ARHGAP5: variants seen among roughly 807,000 people sequenced by gnomAD.
ARHGAP5 encodes the protein rho GTPase-activating protein 5.
In ARHGAP5, 23 loss-of-function variants were observed where a neutral mutation model predicts 116.6. The ratio of observed to expected loss-of-function variants is 0.20; its 90% CI spans 0.14 to 0.28. The LOEUF (loss-of-function observed/expected upper bound fraction) is 0.28, where lower values mean the gene tolerates loss of function less well. ARHGAP5 is among the 10% of genes least tolerant of loss of function. The pLI is 1.00. For synonymous variants in ARHGAP5, 574 were observed against 602.0 expected (o/e 0.95, Z 0.68); for missense variants, 1,405 against 1,774.8 (o/e 0.79, Z 3.74).
chr14:32,124,611 T>A lies in ARHGAP5; in HGVS notation c.3865+7324T>A, dbSNP rs568787740. Reference sequence around the variant, plus strand: ...AGAAGTGCCTCTCAGATTGCTCTGTTAGGGTGACCGTAGATGGCATTCCAT... The same window carrying A: ...AGAAGTGCCTCTCAGATTGCTCTGTAAGGGTGACCGTAGATGGCATTCCAT... On this transcript the variant is annotated intron_variant, in intron 3 of 6. Transcript: ENST00000345122. 2.6e-5 allele frequency among the ~76,000 whole-genome samples: 4 copies of A among 152,282 alleles called. No individual in the cohort carries two copies. In the South Asian group the frequency reaches 8.3e-4, roughly 32 times the overall value.
intron 3 of ARHGAP5, among the ~76,000 whole-genome samples, chr14:32,131,854 G>C (rs371820963): frequency 6.6e-6 from 1 of 152,074 alleles, no homozygotes; most frequent in Non-Finnish European, 1.5e-5. Flanking sequence ...TTGTCCTTGC[G>C]ATAGTTTGCT....
Position 32,094,226 on chromosome 14 carries a change from C to T in ARHGAP5, c.3557C>T (p.Thr1186Ile). ...GATGAGGCTTTCACCACTTCTAAAA[C>T]AAAAAGAAAAGGAAGACATCGTGGA... ...SDDEAFTTSK[T>I]KRKGRHRGSE... Residue 1186 changes from threonine to isoleucine, a missense_variant, in exon 2 of 7, where the codon ACA becomes ATA. Coordinates refer to ENST00000345122, the MANE Select transcript of ARHGAP5 (RefSeq NM_001030055.2). 1 of 1,612,660 alleles carries T rather than the reference C, an allele frequency of 6.2e-7. No homozygotes were observed. Among genetic ancestry groups the T allele is most frequent in the South Asian group, 1.1e-5 (1 of 90,746 alleles).
intron 3 of ARHGAP5, among the ~76,000 whole-genome samples, chr14:32,134,232 A>G (rs1880664964): frequency 6.6e-6 from 1 of 152,204 alleles, no homozygotes; most frequent in African/African-American, 2.4e-5. Flanking sequence ...AAAAATTCAA[A>G]GCCTTTTTTT....
intron 3 of ARHGAP5, among the ~76,000 whole-genome samples, chr14:32,138,991 T>C (rs1028549460): frequency 2.0e-5 from 3 of 152,162 alleles, no homozygotes; most frequent in Non-Finnish European, 4.4e-5. Context: ...TGATTTATTC[T>C]ATTAATGTGG....
chr14:32,111,874 G>T (rs1479605353), intron 2 of ARHGAP5, among the ~76,000 whole-genome samples: 3 of 117,922 alleles, frequency 2.5e-5, no homozygotes, highest in Non-Finnish European at 3.2e-5. Flanking sequence ...ACAGAGTCTC[G>T]CTCTGTTACT....
chr14:32,123,360 C>CT (rs879900535), intron 3 of ARHGAP5, among the ~76,000 whole-genome samples: 21 of 151,084 alleles, frequency 1.4e-4, no homozygotes, highest in Non-Finnish European at 2.8e-4. Context: ...TTGTTTAAAA[C>CT]TTTTTTTTTC....
Position 32,157,191 on chromosome 14 carries a change from GAAAATTA to G in ARHGAP5, c.*2246_*2252del, listed in dbSNP as rs1292017020. 6.6e-6 allele frequency: 1 copy of G among 152,178 alleles called. No homozygotes were observed. The highest frequency in any genetic ancestry group is 2.4e-5 in the African/African-American group (1 of 41,396). The allele number at this position is 152,178 out of a possible 1,614,324, so 9.4% of individuals were successfully genotyped here. A position where few individuals can be genotyped will look rare whatever the true frequency, so the allele number is the denominator to read the frequency against. ...AATTAACCAGTAGGTTACAGTTATT[GAAAATTA>G]AAGTACAGTTTAAAGCTCAGTCTGT... On this transcript the variant is annotated 3_prime_UTR_variant, in exon 7 of 7. Transcript: ENST00000345122.
At chr14:32,077,667 G>A (rs1304287882) in intron 1 of ARHGAP5, among the ~76,000 whole-genome samples, 2 of 152,168 alleles carry the variant, frequency 1.3e-5, no homozygotes, top group South Asian at 4.1e-4. Context: ...AGAGGCCGGG[G>A]GAGGGGGTGC....
chr14:32,143,236 G>GTTATTA (rs765079635), intron 3 of ARHGAP5, among the ~76,000 whole-genome samples: 1 of 143,566 alleles, frequency 7.0e-6, no homozygotes, highest in African/African-American at 2.8e-5. Context: ...TGTTGTTGTT[G>GTTATTA]TTGTTATTAT....
At chr14:32,104,846 C>T (rs1878937530) in intron 2 of ARHGAP5, among the ~76,000 whole-genome samples, 1 of 152,076 alleles carries the variant, frequency 6.6e-6, no homozygotes, top group South Asian at 2.1e-4. Flanking sequence ...AGTTATTGGT[C>T]TTTGTTTTTA....
At chr14:32,113,577 G>T (rs559622739) in intron 2 of ARHGAP5, among the ~76,000 whole-genome samples, 1 of 152,288 alleles carries the variant, frequency 6.6e-6, no homozygotes, top group Admixed American at 6.5e-5. Flanking sequence ...TGGACCTTGG[G>T]ACGTATTTAC....
At chr14:32,088,536 T>C (rs2041853396) in intron 1 of ARHGAP5, among the ~76,000 whole-genome samples, 1 of 152,026 alleles carries the variant, frequency 6.6e-6, no homozygotes, top group South Asian at 2.1e-4. Context: ...TAAATATCCA[T>C]AAATAAAGTG....
intron 2 of ARHGAP5, among the ~76,000 whole-genome samples, chr14:32,112,956 A>G (rs1002431869): frequency 6.6e-6 from 1 of 152,212 alleles, no homozygotes; most frequent in Non-Finnish European, 1.5e-5. Flanking sequence ...TTCTAACTAA[A>G]GGTTTATCAA....
chr14:32,152,837 G>T (rs1422186108), intron 6 of ARHGAP5, among the ~76,000 whole-genome samples: 3 of 152,222 alleles, frequency 2.0e-5, no homozygotes, highest in Admixed American at 2.0e-4. Flanking sequence ...TTGGAACAGG[G>T]TTTGGTTTGA....
Position 32,093,388 on chromosome 14 carries a change from A to G in ARHGAP5, c.2719A>G (p.Ile907Val). The change falls in exon 2 of 7, where the codon ATT (isoleucine) becomes GTT (valine). Residue 907 changes from isoleucine to valine, a missense_variant. Ile to Val is a conservative substitution (Grantham distance 29). Around this residue, in one of 6 missense-constraint regions of ARHGAP5, gnomAD observed 944 missense variants for 1,095.3 expected, o/e 0.86. Coordinates refer to ENST00000345122, the MANE Select transcript of ARHGAP5 (RefSeq NM_001030055.2). The stretch of plus-strand genomic sequence containing the variant: ...AGAGTTAATGACTGAAGGAGAACAC[A>G]TTGCAACTGAGATCACTGCTAAATT... ...IKELMTEGEHIATEITAKFTA... is the reference protein window; with the variant it reads ...IKELMTEGEHVATEITAKFTA... The G allele has an allele frequency of 6.2e-7, 1 of 1,614,016 alleles. No homozygotes were observed.
intron 2 of ARHGAP5, among the ~76,000 whole-genome samples, chr14:32,116,241 C>T (rs146029994): frequency 6.8e-6 from 1 of 147,124 alleles, no homozygotes; most frequent in Non-Finnish European, 1.5e-5. Flanking sequence ...GAGCCTAGAC[C>T]CTGCGCCACT....
In ARHGAP5 at chr14:32,146,217, A is replaced by G. The variant is rs762962075; in HGVS notation, c.3866-46A>G. The G allele has an allele frequency of 3.6e-6, 5 of 1,385,796 alleles. No individual in the cohort carries two copies. In the South Asian group the frequency reaches 4.7e-5, roughly 13 times the overall value. The allele number at this position is 1,385,796 out of a possible 1,614,324, so 85.8% of individuals were successfully genotyped here. On this transcript the variant is annotated intron_variant, in intron 3 of 6. Coordinates refer to ENST00000345122, the MANE Select transcript of ARHGAP5 (RefSeq NM_001030055.2). ...TGAGCCACTGTGCCCAGCCGTGTGG[A>G]TATATATGTGTTTATTAAAGTATGC... is the stretch of plus-strand genomic sequence containing the variant.
intron 2 of ARHGAP5, among the ~76,000 whole-genome samples, chr14:32,097,177 A>G (rs930274588): frequency 2.6e-5 from 4 of 152,232 alleles, no homozygotes; most frequent in Non-Finnish European, 5.9e-5. Context: ...ATTACTAGTG[A>G]CTAGAAATGT....
At position 32,092,146 on chromosome 14, in the gene ARHGAP5, A is replaced by C; in HGVS notation, c.1477A>C (p.Met493Leu). ...AAAAGCCAAAGAAGAGTTTCAAGAAATGCTTTTTGAGCATTCTGAACTTTT... is the reference window on the plus strand; with the variant it reads ...AAAAGCCAAAGAAGAGTTTCAAGAACTGCTTTTTGAGCATTCTGAACTTTT... Reference protein sequence around the residue: ...VEKAKEEFQEMLFEHSELFYD... With the variant: ...VEKAKEEFQELLFEHSELFYD... The change falls in exon 2 of 7, where the codon ATG (methionine) becomes CTG (leucine). Residue 493 changes from methionine (M) to leucine (L), a missense_variant. This residue lies in a region of ARHGAP5 where 944 missense variants were observed against 1,095.3 expected (regional missense o/e 0.86). Coordinates refer to ENST00000345122, the MANE Select transcript of ARHGAP5 (RefSeq NM_001030055.2). The surrounding 1 kb of genome is among the most constrained non-coding windows in gnomAD (Gnocchi z 4.1). 1 of 1,613,848 alleles carries C rather than the reference A, an allele frequency of 6.2e-7. No individual in the cohort carries two copies. The highest frequency in any genetic ancestry group is 8.5e-7 in the Non-Finnish European group (1 of 1,179,798).
Sources: allele counts gnomAD v4.1 joint callset (sites outside exome capture counted in the v4.1 genomes callset), GRCh38; gene constraint gnomAD v4.1.1; regional missense constraint gnomAD v4.1.1; non-coding constraint Gnocchi (gnomAD v3.1); transcripts MANE v1.5; gene names NCBI Gene and HGNC (gene_info 2026-07-23, HGNC 2026-07-21).